Variants in SLC24A3 observed in about 807,000 individuals in gnomAD.
SLC24A3 encodes sodium/potassium/calcium exchanger 3.
A neutral mutation model predicts 75.8 loss-of-function variants in SLC24A3; 28 were observed. The observed-to-expected ratio is 0.37, with a 90% CI of 0.27 to 0.51. SLC24A3 has a LOEUF of 0.51. SLC24A3 is among the 20% of genes least tolerant of loss of function. The probability of loss-of-function intolerance (pLI) is 0.94; values close to 1 mark genes in which losing one functional copy is unlikely to be tolerated. For missense variants in SLC24A3, 663 were observed against 847.8 expected (o/e 0.78, Z 2.71); for synonymous variants, 372 against 334.1 (o/e 1.11, Z -1.24).
At chr20:19,547,705 C>T (rs923882557) in intron 3 of SLC24A3, among the ~76,000 whole-genome samples, 2 of 152,224 alleles carry the variant, frequency 1.3e-5, no homozygotes. Flanking sequence ...ACTGCCTCTC[C>T]CACCCTCCCC....
chr20:19,240,225 G>C (rs1376169797), intron 1 of SLC24A3, among the ~76,000 whole-genome samples: 2 of 152,182 alleles, frequency 1.3e-5, no homozygotes, highest in African/African-American at 4.8e-5. Context: ...GTGACTACTA[G>C]AGTTTATCTA....
chr20:19,678,013 A>G (rs1221361735), intron 9 of SLC24A3, among the ~76,000 whole-genome samples: 1 of 151,572 alleles, frequency 6.6e-6, no homozygotes, highest in East Asian at 1.9e-4. Context: ...CAGAGAGCAC[A>G]GGGTTGGGGG....
chr20:19,436,146 C>A (rs558980584), intron 2 of SLC24A3, among the ~76,000 whole-genome samples: 15 of 152,198 alleles, frequency 9.9e-5, no homozygotes, highest in African/African-American at 3.4e-4. Flanking sequence ...GTCCTTACAC[C>A]CTGAGGTAAG....
chr20:19,721,245 C>A lies in SLC24A3; in HGVS notation c.*105C>A, dbSNP rs1369130994. 2 of 1,431,468 alleles carry A rather than the reference C, an allele frequency of 1.4e-6. No homozygotes were observed. Among genetic ancestry groups the A allele is most frequent in the African/African-American group, 2.8e-5 (2 of 70,838 alleles). The allele number at this position is 1,431,468 out of a possible 1,614,324, so 88.7% of individuals were successfully genotyped here. On this transcript the variant is annotated 3_prime_UTR_variant, in exon 17 of 17. Transcript: ENST00000328041. Reference sequence around the variant, plus strand: ...CCCCGGGGCCACGGCGTTCGTCTCTCCTGTGCTGTCCTCAGGCCTCCGCTC... The same window carrying A: ...CCCCGGGGCCACGGCGTTCGTCTCTACTGTGCTGTCCTCAGGCCTCCGCTC...
At chr20:19,472,879 C>T (rs546332361) in intron 2 of SLC24A3, among the ~76,000 whole-genome samples, 11 of 152,330 alleles carry the variant, frequency 7.2e-5, no homozygotes, top group South Asian at 6.2e-4. Flanking sequence ...GGTTCCCCTG[C>T]GGCTGCATAC....
At chr20:19,388,511 A>C (rs1362196411) in intron 2 of SLC24A3, among the ~76,000 whole-genome samples, 1 of 152,156 alleles carries the variant, frequency 6.6e-6, no homozygotes, top group Non-Finnish European at 1.5e-5. Flanking sequence ...GGAGATGAAG[A>C]CCATCCTGGC....
At chr20:19,639,708 C>A (rs530619021) in intron 6 of SLC24A3, among the ~76,000 whole-genome samples, 15 of 152,228 alleles carry the variant, frequency 9.9e-5, no homozygotes, top group Non-Finnish European at 1.9e-4. Context: ...AGGCTCCGGC[C>A]GCACAGGAGC....
intron 2 of SLC24A3, among the ~76,000 whole-genome samples, chr20:19,452,047 A>G (rs530868455): frequency 3.2e-4 from 48 of 152,300 alleles, no homozygotes; most frequent in African/African-American, 1.0e-3. Context: ...ACCACATCTC[A>G]TTACAGCGCG....
intron 13 of SLC24A3, chr20:19,694,272 T>G (rs2032779588): frequency 6.6e-6 from 1 of 152,204 alleles, no homozygotes; most frequent in Non-Finnish European, 1.5e-5. Flanking sequence ...GGACAGAAAT[T>G]AAAAAGCATG....
intron 1 of SLC24A3, among the ~76,000 whole-genome samples, chr20:19,235,956 A>G (rs907612714): frequency 4.6e-5 from 7 of 152,248 alleles, no homozygotes; most frequent in Admixed American, 3.9e-4. Flanking sequence ...GACAAACCCA[A>G]TAAAGAAATA....
intron 2 of SLC24A3, among the ~76,000 whole-genome samples, chr20:19,402,195 C>A (rs1191945230): frequency 6.6e-6 from 1 of 152,122 alleles, no homozygotes; most frequent in Non-Finnish European, 1.5e-5. Context: ...TAGACAGAAG[C>A]CTGGGAGGAA....
At chr20:19,365,242 C>G (rs1985866823) in intron 2 of SLC24A3, among the ~76,000 whole-genome samples, 2 of 152,096 alleles carry the variant, frequency 1.3e-5, no homozygotes, top group Non-Finnish European at 2.9e-5. Flanking sequence ...TTTCCAGGAC[C>G]AACAGTGTCA....
intron 16 of SLC24A3, among the ~76,000 whole-genome samples, chr20:19,718,105 T>C (rs184880745): frequency 1.3e-5 from 2 of 152,368 alleles, no homozygotes; most frequent in Non-Finnish European, 2.9e-5. Context: ...ACATGAAGCA[T>C]CCATTAACAT....
chr20:19,221,416 A>G (rs1180039680), intron 1 of SLC24A3, among the ~76,000 whole-genome samples: 2 of 152,284 alleles, frequency 1.3e-5, no homozygotes, highest in East Asian at 1.9e-4. Flanking sequence ...TTGGGATGAA[A>G]GCCCTGCTCC....
At position 19,509,549 on chromosome 20, in the gene SLC24A3, C is replaced by T. The variant is rs533201373; in HGVS notation, c.272-5939C>T. On this transcript the variant is annotated intron_variant, in intron 2 of 16. Coordinates refer to ENST00000328041, the MANE Select transcript of SLC24A3 (RefSeq NM_020689.4). The stretch of plus-strand genomic sequence containing the variant: ...GGACAGCTGCAGCTATTCAGAAAAT[C>T]GCATGCCCCACACACACCTGCAAGG... Among the ~76,000 whole-genome samples, 7 of 152,350 alleles carry T rather than the reference C, an allele frequency of 4.6e-5. No individual in the cohort carries two copies. In the South Asian group the frequency reaches 6.2e-4, roughly 14 times the overall value.
At chr20:19,592,980 G>C (rs1050895272) in intron 6 of SLC24A3, among the ~76,000 whole-genome samples, 1 of 151,924 alleles carries the variant, frequency 6.6e-6, no homozygotes, top group Non-Finnish European at 1.5e-5. Flanking sequence ...ATTTTTAGTA[G>C]GGACAGGGTT....
intron 2 of SLC24A3, among the ~76,000 whole-genome samples, chr20:19,505,483 G>C (rs2122546819): frequency 6.6e-6 from 1 of 152,292 alleles, no homozygotes; most frequent in Non-Finnish European, 1.5e-5. Flanking sequence ...TTTTCCAGAA[G>C]TAGTCCCAGA....
At chr20:19,651,390 TATATAC>T (rs148939212) in intron 6 of SLC24A3, among the ~76,000 whole-genome samples, 3,310 of 115,764 alleles carry the variant, frequency 0.029, 115 homozygotes, top group African/African-American at 0.13. Context: ...TATATATATA[TATATAC>T]ACACATATAT....
intron 12 of SLC24A3, among the ~76,000 whole-genome samples, chr20:19,688,328 G>A (rs181054070): frequency 1.0e-3 from 156 of 152,314 alleles, no homozygotes; most frequent in African/African-American, 2.9e-3. Context: ...TCTAAGATGC[G>A]GGAAAGCCTG....
Sources: allele counts gnomAD v4.1 joint callset (sites outside exome capture counted in the v4.1 genomes callset), GRCh38; gene constraint gnomAD v4.1.1; transcripts MANE v1.5; gene names NCBI Gene and HGNC (gene_info 2026-07-23, HGNC 2026-07-21).